BAIAP2: variants seen among roughly 807,000 people sequenced by gnomAD.
The protein encoded by BAIAP2 is BAR/IMD domain containing adaptor protein 2, also known as BAR/IMD domain-containing adapter protein 2.
Under a neutral mutation model 63.0 loss-of-function variants are expected in BAIAP2, and 18 were observed. The ratio of observed to expected loss-of-function variants is 0.29; its 90% CI spans 0.20 to 0.42. The LOEUF (loss-of-function observed/expected upper bound fraction) is 0.42. BAIAP2 is among the 10% of genes least tolerant of loss of function. BAIAP2 has a pLI of 1.00. For missense variants in BAIAP2, 610 were observed against 734.3 expected, an observed-to-expected ratio of 0.83 and a Z score of 1.96; for synonymous variants, 386 against 307.6, an observed-to-expected ratio of 1.25 and a Z score of -2.67.
At chr17:81,042,830 A>G (rs963112643) in intron 1 of BAIAP2, among the ~76,000 whole-genome samples, 1 of 152,096 alleles carries the variant, frequency 6.6e-6, no homozygotes, top group African/African-American at 2.4e-5. Context: ...GGATGCTGCT[A>G]GTGGCGGGCA....
In BAIAP2 at chr17:81,103,385, C is replaced by A. The variant is rs146622763; in HGVS notation, c.643-117C>A. ...GGCCTGTCTCGCCGAGAGGTACCAC[C>A]TGGTGAAGAGCAGCCTCCAGCCCCA... On this transcript the variant is annotated intron_variant, in intron 7 of 13. Transcript: ENST00000428708. 4.0e-6 allele frequency: 4 copies of A among 987,754 alleles called. No homozygotes were observed. The African/African-American group carries it at 6.6e-5, about 16-fold the overall frequency. The allele number at this position is 987,754 out of a possible 1,614,324, so 61.2% of individuals were successfully genotyped here.
chr17:81,075,353 G>T (rs2053483223), intron 3 of BAIAP2, among the ~76,000 whole-genome samples: 1 of 152,100 alleles, frequency 6.6e-6, no homozygotes, highest in African/African-American at 2.4e-5. Context: ...AGTCTCCTGG[G>T]CTCAGCAGAT....
At chr17:81,090,406 C>T (rs375443538) in intron 6 of BAIAP2, among the ~76,000 whole-genome samples, 15 of 152,334 alleles carry the variant, frequency 9.8e-5, no homozygotes, top group South Asian at 6.2e-4. Context: ...CAATGGGAGA[C>T]GGGGCTTCAA....
At position 81,113,775 on chromosome 17, in the gene BAIAP2, C is replaced by A. The variant is rs959935468; in HGVS notation, c.1536-1995C>A. 1.4e-4 allele frequency among the ~76,000 whole-genome samples: 22 copies of A among 152,130 alleles called. 1 individual carries two copies. Among genetic ancestry groups the A allele is most frequent in the Non-Finnish European group, 2.8e-4 (19 of 68,020 alleles). Reference sequence around the variant, plus strand: ...AGAAAAATGCAGGTTAGAGAACAGGCCTGCACCAGTGGAGGGCTTCCTACC... The same window carrying A: ...AGAAAAATGCAGGTTAGAGAACAGGACTGCACCAGTGGAGGGCTTCCTACC... On this transcript the variant is annotated intron_variant, in intron 13 of 13. Transcript: ENST00000428708.
intron 1 of BAIAP2, among the ~76,000 whole-genome samples, chr17:81,050,451 C>T (rs1040046989): frequency 2.6e-5 from 4 of 152,214 alleles, no homozygotes; most frequent in Non-Finnish European, 5.9e-5. Flanking sequence ...ATGCGGTAGG[C>T]ATGGCCGCCG....
Position 81,103,668 on chromosome 17 carries a change from C to A in BAIAP2, c.809C>A (p.Pro270His). The part of the protein sequence containing the change: ...ASKSNLVISD[P>H]IPGAKPLPVP... Reference sequence around the variant, plus strand: ...AAGTCCAACCTGGTCATTTCCGACCCCATTCCGGGGGCCAAGCCCCTGCCG... The same window carrying A: ...AAGTCCAACCTGGTCATTTCCGACCACATTCCGGGGGCCAAGCCCCTGCCG... Residue 270 changes from proline to histidine, a missense_variant, in exon 8 of 14, where the codon CCC (proline) becomes CAC (histidine). This residue lies in a region of BAIAP2 where 389 missense variants were observed against 455.6 expected (regional missense o/e 0.85). Coordinates refer to ENST00000428708, the MANE Select transcript of BAIAP2 (RefSeq NM_001144888.2). 6.2e-7 allele frequency: 1 copy of A among 1,600,634 alleles called. No homozygotes were observed.
chr17:81,042,135 CTTTTTTCTT>C (rs1171003393), intron 1 of BAIAP2, among the ~76,000 whole-genome samples: 3 of 105,250 alleles, frequency 2.9e-5, no homozygotes, highest in Non-Finnish European at 5.5e-5. Flanking sequence ...TTTTTCTTTT[CTTTTTTCTT>C]TTTTTTTTTT....
intron 3 of BAIAP2, among the ~76,000 whole-genome samples, chr17:81,060,025 AC>A (rs1375184955): frequency 6.6e-6 from 1 of 152,142 alleles, no homozygotes; most frequent in Non-Finnish European, 1.5e-5. Flanking sequence ...GAGGGCTCTT[AC>A]TTGGATCAGG....
chr17:81,039,973 A>C (rs1021639598), intron 1 of BAIAP2, among the ~76,000 whole-genome samples: 4 of 152,140 alleles, frequency 2.6e-5, no homozygotes, highest in African/African-American at 9.6e-5. Flanking sequence ...CCCCAGCGTC[A>C]CTGCAGGAGT....
rs544028015 is a variant in BAIAP2, at chr17:81,115,169, C to T, written c.1536-601C>T. Among the ~76,000 whole-genome samples the T allele has an allele frequency of 3.2e-4, 49 of 152,344 alleles. No homozygotes were observed. The South Asian group carries it at 9.1e-3, about 28-fold the overall frequency. ...ATATGGGGGAGGGCGCGGCACCCCT[C>T]GGGGGACAGGTGGCTGAGCCCACAG... On this transcript the variant is annotated intron_variant, in intron 13 of 13. Coordinates refer to ENST00000428708, the MANE Select transcript of BAIAP2 (RefSeq NM_001144888.2).
At chr17:81,075,237 G>A (rs927132095) in intron 3 of BAIAP2, among the ~76,000 whole-genome samples, 3 of 152,214 alleles carry the variant, frequency 2.0e-5, no homozygotes, top group Non-Finnish European at 4.4e-5. Context: ...CCTGTGCTGG[G>A]TCTGGGGCAT....
intron 3 of BAIAP2, among the ~76,000 whole-genome samples, chr17:81,071,026 C>CTT (rs1210994048): frequency 6.6e-6 from 1 of 152,180 alleles, no homozygotes; most frequent in Non-Finnish European, 1.5e-5. Flanking sequence ...GCTCTTTGGA[C>CTT]TTGCTTGGTT....
At chr17:81,048,993 C>T (rs1280147058) in intron 1 of BAIAP2, among the ~76,000 whole-genome samples, 1 of 152,214 alleles carries the variant, frequency 6.6e-6, no homozygotes, top group Admixed American at 6.5e-5. Context: ...CCTTCATAGG[C>T]AGGCCGGCCC....
At chr17:81,040,974 C>A (rs966670122) in intron 1 of BAIAP2, among the ~76,000 whole-genome samples, 2 of 152,184 alleles carry the variant, frequency 1.3e-5, no homozygotes, top group Non-Finnish European at 2.9e-5. Flanking sequence ...CTGAGGAGTC[C>A]CCTCTAGGGG....
At chr17:81,071,047 G>T (rs1268015675) in intron 3 of BAIAP2, among the ~76,000 whole-genome samples, 1 of 152,084 alleles carries the variant, frequency 6.6e-6, no homozygotes, top group Non-Finnish European at 1.5e-5. Context: ...TCAGAACTGT[G>T]TGTGGGGAAG....
rs1465369089 is a variant in BAIAP2 at position 81,108,491 on chromosome 17, G to A, written c.1517G>A (p.Gly506Glu). 6.2e-7 allele frequency: 1 copy of A among 1,613,898 alleles called. No homozygotes were observed. Among genetic ancestry groups the A allele is most frequent in the Admixed American group, 1.7e-5 (1 of 60,028 alleles). ...TGCCCCCAGGGCCTGGATGACTATG[G>A]AGCGCGGTCCATGAGCAGGTAAGGG... ...PAFSQGLDDY[G>E]ARSMSRNPFA... Residue 506 changes from glycine (G) to glutamate (E), a missense_variant, in exon 13 of 14, where the codon GGA (glycine) becomes GAA (glutamate). Gly to Glu is a moderately conservative substitution (Grantham distance 98, BLOSUM62 -2). Around this residue, in one of 5 missense-constraint regions of BAIAP2, gnomAD observed 114 missense variants for 98.2 expected, o/e 1.16. Coordinates refer to ENST00000428708, the MANE Select transcript of BAIAP2 (RefSeq NM_001144888.2).
At chr17:81,069,657 G>T (rs1488977343) in intron 3 of BAIAP2, among the ~76,000 whole-genome samples, 1 of 152,214 alleles carries the variant, frequency 6.6e-6, no homozygotes, top group Non-Finnish European at 1.5e-5. Context: ...GGGGGGCGTG[G>T]TTCTCCATCC....
At chr17:81,040,242 G>A (rs2046891190) in intron 1 of BAIAP2, among the ~76,000 whole-genome samples, 1 of 152,240 alleles carries the variant, frequency 6.6e-6, no homozygotes, top group Admixed American at 6.5e-5. Context: ...CCCAGGATAG[G>A]GAAGCATCTT....
chr17:81,079,704 G>A (rs905583520), intron 3 of BAIAP2, among the ~76,000 whole-genome samples: 1 of 152,214 alleles, frequency 6.6e-6, no homozygotes, highest in Admixed American at 6.5e-5. Flanking sequence ...TTCTGATGGC[G>A]ACGGCTCTGC....
Sources: gnomAD v4.1 joint callset for allele counts (sites outside exome capture counted in the v4.1 genomes callset) on GRCh38, gnomAD v4.1.1 for gene constraint, gnomAD v4.1.1 regional missense constraint, MANE v1.5 for transcripts, NCBI Gene and HGNC (gene_info 2026-07-23, HGNC 2026-07-21) for gene names.